The following GMEB2 variants were observed in gnomAD, a reference collection of about 807,000 sequenced individuals.
GMEB2 encodes glucocorticoid modulatory element-binding protein 2.
In GMEB2, 7 loss-of-function variants were observed where a neutral mutation model predicts 45.7. That is an observed-to-expected ratio of 0.15 (90% CI 0.09 to 0.29). GMEB2 has a LOEUF of 0.29. Ranked by LOEUF, GMEB2 falls within the 10% of genes least tolerant of loss-of-function variation. The probability of loss-of-function intolerance (pLI) is 1.00; values close to 1 mark genes in which losing one functional copy is unlikely to be tolerated. For synonymous variants in GMEB2, 322 were observed against 323.6 expected (o/e 1.00, Z 0.05); for missense variants, 582 against 739.2 (o/e 0.79, Z 2.47).
chr20:63,613,462 G>A (rs1233956810), intron 2 of GMEB2, among the ~76,000 whole-genome samples: 1 of 151,768 alleles, frequency 6.6e-6, no homozygotes, highest in Non-Finnish European at 1.5e-5. Context: ...AGAGCTCTAA[G>A]CCACAACTGT....
intron 6 of GMEB2, among the ~76,000 whole-genome samples, chr20:63,594,881 T>C (rs2083180664): frequency 6.6e-6 from 1 of 152,190 alleles, no homozygotes; most frequent in African/African-American, 2.4e-5. Flanking sequence ...CCTGAGTAGC[T>C]GGGACTACAG....
intron 6 of GMEB2, among the ~76,000 whole-genome samples, chr20:63,594,333 G>A (rs2083176104): frequency 6.6e-6 from 1 of 152,246 alleles, no homozygotes; most frequent in South Asian, 2.1e-4. Flanking sequence ...CTGGCAGGCG[G>A]TCAGGCAGGG....
intron 1 of GMEB2, among the ~76,000 whole-genome samples, chr20:63,626,384 CGGGGTGGCCCCTG>C (rs2089672777): frequency 4.1e-5 from 5 of 121,188 alleles, no homozygotes; most frequent in Non-Finnish European, 9.0e-5. Flanking sequence ...CGGGTGCCTG[CGGGGTGGCCCCTG>C]GGGATCGCGT....
chr20:63,597,750 C>T lies in GMEB2; in HGVS notation c.461+7G>A, dbSNP rs768275993. The T allele has an allele frequency of 2.0e-5, 30 of 1,520,484 alleles. No homozygotes were observed. Among genetic ancestry groups the T allele is most frequent in the Non-Finnish European group, 2.6e-5 (28 of 1,094,742 alleles). 94.2% of individuals were successfully genotyped at this position (1,520,484 alleles called of 1,614,324 possible). ...AGCAGGGAGGCTGACCCTGCGCCAG[C>T]GCCCACCTGAGCATGATGCCGTTCA... On this transcript the variant is annotated splice_region_variant and intron_variant, in intron 5 of 9. Coordinates refer to ENST00000370077, the MANE Select transcript of GMEB2 (RefSeq NM_012384.5).
At chr20:63,603,740 T>C (rs2089495975) in intron 3 of GMEB2, among the ~76,000 whole-genome samples, 2 of 147,682 alleles carry the variant, frequency 1.4e-5, no homozygotes, top group South Asian at 4.2e-4. Context: ...AGACTCCCTC[T>C]CAAAAAAAGA....
intron 1 of GMEB2, among the ~76,000 whole-genome samples, chr20:63,624,344 TCTCGAA>T (rs2089656672): frequency 6.7e-6 from 1 of 148,722 alleles, no homozygotes; most frequent in Non-Finnish European, 1.5e-5. Flanking sequence ...CAGGAGAATC[TCTCGAA>T]CTCCGGAGGC....
At chr20:63,620,392 C>T (rs924646287) in intron 1 of GMEB2, among the ~76,000 whole-genome samples, 2 of 152,118 alleles carry the variant, frequency 1.3e-5, no homozygotes, top group Admixed American at 1.3e-4. Flanking sequence ...CTCTCCATCC[C>T]CTACCTAGCA....
At chr20:63,591,677 C>T (rs576647171) in intron 9 of GMEB2, among the ~76,000 whole-genome samples, 7 of 152,282 alleles carry the variant, frequency 4.6e-5, no homozygotes, top group Admixed American at 2.0e-4. Context: ...GTTGGCCAGG[C>T]TGGTCTCAAA....
intron 2 of GMEB2, among the ~76,000 whole-genome samples, chr20:63,618,513 C>T (rs748168649): frequency 1.3e-5 from 2 of 152,334 alleles, no homozygotes; most frequent in East Asian, 3.9e-4. Context: ...ACCTACACCG[C>T]ACAGGGGTTG....
At chr20:63,597,086 C>T (rs764581933) in intron 5 of GMEB2, among the ~76,000 whole-genome samples, 5 of 151,774 alleles carry the variant, frequency 3.3e-5, no homozygotes, top group Non-Finnish European at 7.4e-5. Flanking sequence ...GCACAAATAC[C>T]AGATTATACC....
chr20:63,606,711 C>T lies in GMEB2; in HGVS notation c.132-1871G>A, dbSNP rs1190536690. On this transcript the variant is annotated intron_variant, in intron 2 of 9. Coordinates refer to ENST00000370077, the MANE Select transcript of GMEB2 (RefSeq NM_012384.5). ...CAAAATGCTTAAAACATAAGGACAA[C>T]AAACCACTTATTTCCTGATATGACA... Among the ~76,000 whole-genome samples, 5 of 152,192 alleles carry T rather than the reference C, an allele frequency of 3.3e-5. No individual in the cohort carries two copies. In the East Asian group the frequency reaches 7.7e-4, roughly 23 times the overall value.
chr20:63,610,263 T>C (rs1394993631), intron 2 of GMEB2, among the ~76,000 whole-genome samples: 2 of 152,330 alleles, frequency 1.3e-5, no homozygotes. Flanking sequence ...GGCTCACACC[T>C]GTAATCCCAG....
At position 63,590,163 on chromosome 20, in the gene GMEB2, C is replaced by A. The variant is rs760652797; in HGVS notation, c.1519G>T (p.Ala507Ser). 8.2e-6 allele frequency: 13 copies of A among 1,586,276 alleles called. No homozygotes were observed. The highest frequency in any genetic ancestry group is 1.1e-5 in the Non-Finnish European group (13 of 1,163,996). The change falls in exon 10 of 10, where the codon GCT becomes TCT. Residue 507 changes from alanine to serine, a missense_variant. Transcript: ENST00000370077. Reference protein sequence around the residue: ...SSTIVTVPAGAAPGPEEHTAT... With the variant: ...SSTIVTVPAGSAPGPEEHTAT... ...GTGTGCTCCTCAGGCCCGGGGGCAG[C>A]CCCTGCGGGCACTGTCACAATTGTG...
intron 6 of GMEB2, among the ~76,000 whole-genome samples, chr20:63,595,347 C>T (rs944795890): frequency 3.9e-5 from 6 of 152,202 alleles, no homozygotes; most frequent in Admixed American, 3.3e-4. Flanking sequence ...CTTCCCCACA[C>T]GTGAGTTATT....
Position 63,593,544 on chromosome 20 carries a change from C to T in GMEB2, c.620-462G>A, listed in dbSNP as rs2083169308. The stretch of plus-strand genomic sequence containing the variant: ...ATGCTTCATTGAAGTCATCATAAAT[C>T]TCAGTATCTATCATGTTTCCATTTT... On this transcript the variant is annotated intron_variant, in intron 6 of 9. Transcript: ENST00000370077. This position sits in a 1 kb window ranked among gnomAD's most constrained non-coding sequence, Gnocchi z 4.7. 6.6e-6 allele frequency among the ~76,000 whole-genome samples: 1 copy of T among 151,940 alleles called. No individual in the cohort carries two copies. The highest frequency in any genetic ancestry group is 2.4e-5 in the African/African-American group (1 of 41,340).
Position 63,590,117 on chromosome 20 carries a change from G to A in GMEB2, c.1565C>T (p.Ala522Val). The A allele has an allele frequency of 1.3e-6, 2 of 1,521,138 alleles. No homozygotes were observed. Among genetic ancestry groups the A allele is most frequent in the Non-Finnish European group, 1.8e-6 (2 of 1,133,268 alleles). The allele number at this position is 1,521,138 out of a possible 1,614,324, so 94.2% of individuals were successfully genotyped here. ...EEHTATIEVA[A>V]MAEDHERK ...CTTCCGCTCGTGGTCCTCTGCCATG[G>A]CAGCCACCTCAATGGTGGCCGTGTG... is the stretch of plus-strand genomic sequence containing the variant. Residue 522 changes from alanine (A) to valine (V), a missense_variant, in exon 10 of 10, where the codon GCC becomes GTC. Ala to Val is a moderately conservative substitution (Grantham distance 64, BLOSUM62 0). This residue lies in a region of GMEB2 where 462 missense variants were observed against 586.7 expected (regional missense o/e 0.79). Transcript: ENST00000370077.
At chr20:63,623,192 AAG>A (rs1182237343) in intron 1 of GMEB2, among the ~76,000 whole-genome samples, 2 of 152,342 alleles carry the variant, frequency 1.3e-5, no homozygotes, top group Admixed American at 1.3e-4. Context: ...TTTACAAATT[AAG>A]AACATCCTGG....
intron 2 of GMEB2, among the ~76,000 whole-genome samples, chr20:63,605,359 C>T (rs1183102318): frequency 6.6e-6 from 1 of 151,718 alleles, no homozygotes; most frequent in Non-Finnish European, 1.5e-5. Context: ...ATGGTAAAAC[C>T]TCGTCTTTAC....
At chr20:63,610,630 C>T (rs757373163) in intron 2 of GMEB2, among the ~76,000 whole-genome samples, 5 of 152,210 alleles carry the variant, frequency 3.3e-5, no homozygotes, top group Non-Finnish European at 5.9e-5. Flanking sequence ...TCTTTAAGTC[C>T]TTCAAGACAG....
Sources: allele counts gnomAD v4.1 joint callset (sites outside exome capture counted in the v4.1 genomes callset), GRCh38; gene constraint gnomAD v4.1.1; regional missense constraint gnomAD v4.1.1; non-coding constraint Gnocchi (gnomAD v3.1); transcripts MANE v1.5; gene names NCBI Gene and HGNC (gene_info 2026-07-23, HGNC 2026-07-21).